The following TGM4 variants were observed in gnomAD, a reference collection of about 807,000 sequenced individuals.
TGM4 encodes protein-glutamine gamma-glutamyltransferase 4.
TGM4 carries 61 observed loss-of-function variants against 76.3 expected under a neutral mutation model. The ratio of observed to expected loss-of-function variants is 0.80; its 90% CI spans 0.65 to 0.99. TGM4 has a LOEUF of 0.99. Ranked by LOEUF, TGM4 falls within the 50% of genes least tolerant of loss-of-function variation. The pLI is 0.00. For missense variants in TGM4, 794 were observed against 843.2 expected, an observed-to-expected ratio of 0.94 and a Z score of 0.72; for synonymous variants, 337 against 329.8, an observed-to-expected ratio of 1.02 and a Z score of -0.24.
intron 4 of TGM4, among the ~76,000 whole-genome samples, chr3:44,892,173 G>A (rs576072560): frequency 1.3e-4 from 19 of 151,536 alleles, no homozygotes; most frequent in African/African-American, 4.1e-4. Context: ...CAGGAGAATC[G>A]CTTGAACCTG....
intron 6 of TGM4, 95 bp from the exon 7 acceptor site, chr3:44,901,429 G>C: frequency 7.2e-7 from 1 of 1,397,508 alleles, no homozygotes. Context: ...GACATTATGA[G>C]GTGTCCACTT....
intron 1 of TGM4, among the ~76,000 whole-genome samples, chr3:44,879,259 CTCTCTCTATATATA>C (rs1168014486): frequency 4.2e-4 from 43 of 101,688 alleles, no homozygotes; most frequent in Middle Eastern, 4.6e-3. Context: ...CTCTCTCTCT[CTCTCTCTATATATA>C]TATATATATA....
In TGM4 at chr3:44,901,529, C is replaced by T; in HGVS notation, c.663C>T (p.Ser221=). 1 of 1,604,188 alleles carries T rather than the reference C, an allele frequency of 6.2e-7. No homozygotes were observed. The highest frequency in any genetic ancestry group is 8.5e-7 in the Non-Finnish European group (1 of 1,172,612). The change falls in exon 7 of 14, where the codon AGC becomes AGT. Residue 221 remains serine, a synonymous_variant. Coordinates refer to ENST00000296125, the MANE Select transcript of TGM4 (RefSeq NM_003241.4). ...LVCRAMCAMM[S]FEKGQGVLIG... The stretch of plus-strand genomic sequence containing the variant: ...CACCCCTACGTGTGTGGCAGATGAG[C>T]TTTGAGAAAGGCCAGGGCGTGCTCA...
chr3:44,911,553 A>C, intron 13 of TGM4, 147 bp downstream of exon 13: 1 of 874,942 alleles, frequency 1.1e-6, no homozygotes, highest in Non-Finnish European at 1.7e-6. Context: ...ACTTTGAGAA[A>C]AGATTGCATC....
rs558658773 is a variant in TGM4 at position 44,884,576 on chromosome 3, G to A, written c.20-749G>A. On this transcript the variant is annotated intron_variant, in intron 1 of 13. Transcript: ENST00000296125. ...CTCGGCTCCTGATCTCAGGTGATGCGCCGCCCCCACAGCCTCCCAAAGTGC... is the reference window on the plus strand; with the variant it reads ...CTCGGCTCCTGATCTCAGGTGATGCACCGCCCCCACAGCCTCCCAAAGTGC... Among the ~76,000 whole-genome samples the A allele has an allele frequency of 4.6e-4, 70 of 152,112 alleles. No individual in the cohort carries two copies. In the South Asian group the frequency reaches 0.012, roughly 27 times the overall value.
rs1387574759 is a variant in TGM4, at chr3:44,911,039, G to GT, written c.1691dup (p.Ile565HisfsTer9). On this transcript the variant is annotated frameshift_variant, in exon 12 of 14. Transcript: ENST00000296125. LOFTEE classifies it high-confidence loss of function. Reference sequence around the variant, plus strand: ...TTAGATGATGAGCCAGTTATCAGAGGTTTCATCATTGCGGAAATTGTGGAG... The same window carrying GT: ...TTAGATGATGAGCCAGTTATCAGAGGTTTTCATCATTGCGGAAATTGTGGAG... 2.5e-6 allele frequency: 4 copies of GT among 1,614,136 alleles called. No homozygotes were observed. The highest frequency in any genetic ancestry group is 3.4e-6 in the Non-Finnish European group (4 of 1,180,028).
intron 8 of TGM4, 66 bp from the exon 9 acceptor site, chr3:44,903,818 G>A: frequency 7.1e-7 from 1 of 1,414,312 alleles, no homozygotes; most frequent in Non-Finnish European, 1.0e-6. Context: ...TGGCAATTTT[G>A]GCGTATTTAT....
Position 44,913,620 on chromosome 3 carries a change from A to G in TGM4, c.1950A>G (p.Ile650Met). 2 of 1,614,208 alleles carry G rather than the reference A, an allele frequency of 1.2e-6. No individual in the cohort carries two copies. The highest frequency in any genetic ancestry group is 1.7e-6 in the Non-Finnish European group (2 of 1,180,044). The change falls in exon 14 of 14, where the codon ATA becomes ATG. Residue 650 changes from isoleucine (I) to methionine (M), a missense_variant. Physicochemically the swap from Ile to Met is conservative, Grantham distance 10. Transcript: ENST00000296125. ...CTGGTGAGACCATCCAATCCCAAAT[A>G]AAATGCACCCCAATAAAAACTGGAC... Reference protein sequence around the residue: ...VQPGETIQSQIKCTPIKTGPK... With the variant: ...VQPGETIQSQMKCTPIKTGPK...
rs751353474 is a variant in TGM4 at position 44,885,352 on chromosome 3, T to G, written c.47T>G (p.Leu16Trp). The change falls in exon 2 of 14, where the codon TTG becomes TGG. Residue 16 changes from leucine to tryptophan, a missense_variant. Transcript: ENST00000296125. ...KELQVLHIDF[L>W]NQDNAVSHHT... is the part of the protein sequence containing the mutation. ...CTGCAAGTTCTCCACATTGACTTCT[T>G]GAATCAGGACAACGCCGTTTCTCAC... 6.2e-7 allele frequency: 1 copy of G among 1,611,328 alleles called. No individual in the cohort carries two copies.
intron 1 of TGM4, among the ~76,000 whole-genome samples, chr3:44,882,764 C>A (rs116611032): frequency 0.02 from 2,993 of 152,320 alleles, 52 homozygotes; most frequent in Middle Eastern, 0.065. Context: ...CATTCATAGG[C>A]TCCAGGTGGA....
chr3:44,911,464 T>A, intron 13 of TGM4, 58 bp downstream of exon 13: 2 of 1,590,482 alleles, frequency 1.3e-6, no homozygotes, highest in Non-Finnish European at 1.7e-6. Context: ...CTTGCACATG[T>A]GTGCATATTC....
chr3:44,906,714 G>A (rs1012147675), intron 9 of TGM4, among the ~76,000 whole-genome samples: 4 of 152,198 alleles, frequency 2.6e-5, no homozygotes, highest in Non-Finnish European at 5.9e-5. Context: ...TTAATAGGCA[G>A]CATGACTTCC....
chr3:44,877,704 T>G (rs2125745565), intron 1 of TGM4, among the ~76,000 whole-genome samples: 1 of 152,352 alleles, frequency 6.6e-6, no homozygotes, highest in Admixed American at 6.5e-5. Flanking sequence ...AAAAGGCATC[T>G]TCTCATCTTT....
chr3:44,898,189 G>T (rs927615915), intron 6 of TGM4, among the ~76,000 whole-genome samples: 1 of 151,606 alleles, frequency 6.6e-6, no homozygotes, highest in Non-Finnish European at 1.5e-5. Flanking sequence ...GCTGAGGCAG[G>T]AGAATCACTT....
At chr3:44,881,684 A>G (rs1192422111) in intron 1 of TGM4, among the ~76,000 whole-genome samples, 1 of 152,250 alleles carries the variant, frequency 6.6e-6, no homozygotes, top group Non-Finnish European at 1.5e-5. Flanking sequence ...AAGGCTGACA[A>G]TTTCACAAGA....
intron 3 of TGM4, chr3:44,888,803 TC>T (rs1699647837): frequency 6.6e-6 from 1 of 152,066 alleles, no homozygotes; most frequent in Admixed American, 6.5e-5. Context: ...AGGCTGGTTC[TC>T]CTGAGCTCCA....
intron 8 of TGM4, among the ~76,000 whole-genome samples, chr3:44,902,399 T>G (rs1373393713): frequency 6.6e-6 from 1 of 151,998 alleles, no homozygotes; most frequent in African/African-American, 2.4e-5. Flanking sequence ...GGTCAGGAGA[T>G]TGTGACCATC....
rs181230804 is a variant in TGM4, at chr3:44,896,986, G to T, written c.657+170G>T. Among the ~76,000 whole-genome samples, 26 of 149,994 alleles carry T rather than the reference G, an allele frequency of 1.7e-4. No homozygotes were observed. The East Asian group carries it at 5.0e-3, about 29-fold the overall frequency. On this transcript the variant is annotated intron_variant, in intron 6 of 13. Transcript: ENST00000296125. Reference sequence around the variant, plus strand: ...GACATTGCTGAAATCTGTTCTGAGCGCAGGTTTTCTTTTCTTTTTTTTTTT... The same window carrying T: ...GACATTGCTGAAATCTGTTCTGAGCTCAGGTTTTCTTTTCTTTTTTTTTTT...
Position 44,893,595 on chromosome 3 carries a change from C to T in TGM4, c.449C>T (p.Pro150Leu), listed in dbSNP as rs371177730. Reference protein sequence around the residue: ...PWCKEDMVFMPDEDERKEYIL... With the variant: ...PWCKEDMVFMLDEDERKEYIL... ...GCTTCAGAGGACATGGTTTTCATGCCTGATGAGGACGAGCGCAAAGAGTAC... is the reference window on the plus strand; with the variant it reads ...GCTTCAGAGGACATGGTTTTCATGCTTGATGAGGACGAGCGCAAAGAGTAC... Residue 150 changes from proline to leucine, a missense_variant, in exon 5 of 14, where the codon CCT becomes CTT. Transcript: ENST00000296125. 107 of 1,613,700 alleles carry T rather than the reference C, an allele frequency of 6.6e-5. No individual in the cohort carries two copies. Among genetic ancestry groups the T allele is most frequent in the Non-Finnish European group, 8.4e-5 (99 of 1,179,820 alleles).
Sources: allele counts gnomAD v4.1 joint callset (sites outside exome capture counted in the v4.1 genomes callset), GRCh38; gene constraint gnomAD v4.1.1; transcripts MANE v1.5; gene names NCBI Gene and HGNC (gene_info 2026-07-23, HGNC 2026-07-21).